The following JAKMIP3 variants were observed in gnomAD, a reference collection of about 807,000 sequenced individuals.
The protein encoded by JAKMIP3 is Janus kinase and microtubule interacting protein 3.
In JAKMIP3, 58 loss-of-function variants were observed where a neutral mutation model predicts 118.5. The ratio of observed to expected loss-of-function variants is 0.49; its 90% CI spans 0.40 to 0.61. JAKMIP3 has a LOEUF of 0.61. Ranked by LOEUF, JAKMIP3 falls within the 20% of genes least tolerant of loss-of-function variation. The pLI is 0.00. For missense variants in JAKMIP3, 950 were observed against 1,109.0 expected (o/e 0.86, Z 2.04); for synonymous variants, 486 against 451.2 (o/e 1.08, Z -0.98).
At chr10:132,134,398 C>T (rs2051298537) in intron 4 of JAKMIP3, among the ~76,000 whole-genome samples, 1 of 152,184 alleles carries the variant, frequency 6.6e-6, no homozygotes, top group African/African-American at 2.4e-5. Flanking sequence ...GAGATCCAGC[C>T]CCTCCTGCTG....
In JAKMIP3 at chr10:132,164,704, A is replaced by G; in HGVS notation, c.2459A>G (p.Gln820Arg). 1 of 1,602,902 alleles carries G rather than the reference A, an allele frequency of 6.2e-7. No individual in the cohort carries two copies. The highest frequency in any genetic ancestry group is 8.5e-7 in the Non-Finnish European group (1 of 1,169,954). ...GAGTTAGAAGAAAGAATAGAAGCTC[A>G]GAAGAGACAAATAAAGGAACTGGAG... ...IKELEERIEA[Q>R]KRQIKELEEK... The change falls in exon 21 of 24, where the codon CAG (glutamine) becomes CGG (arginine). Residue 820 changes from glutamine to arginine, a missense_variant. By Grantham distance (43) the Gln-to-Arg change is conservative. Coordinates refer to ENST00000684848, the MANE Select transcript of JAKMIP3 (RefSeq NM_001323087.2).
intron 1 of JAKMIP3, among the ~76,000 whole-genome samples, chr10:132,089,726 C>T (rs2042874204): frequency 6.6e-6 from 1 of 152,088 alleles, no homozygotes; most frequent in South Asian, 2.1e-4. Flanking sequence ...ATTGCCCTGG[C>T]CAGAACTTCC....
chr10:132,124,111 GGAA>G (rs2049055674), intron 3 of JAKMIP3, among the ~76,000 whole-genome samples: 1 of 152,222 alleles, frequency 6.6e-6, no homozygotes, highest in Non-Finnish European at 1.5e-5. Context: ...GCTCAAATCC[GGAA>G]GAAATGTGTG....
chr10:132,103,574 G>A (rs749714866), intron 1 of JAKMIP3, among the ~76,000 whole-genome samples: 2 of 151,984 alleles, frequency 1.3e-5, no homozygotes, highest in African/African-American at 4.8e-5. Context: ...GAAGGAAAGT[G>A]TGAGGATCTC....
At chr10:132,165,903 C>T (rs1349226038) in intron 21 of JAKMIP3, among the ~76,000 whole-genome samples, 4 of 152,242 alleles carry the variant, frequency 2.6e-5, no homozygotes, top group African/African-American at 7.2e-5. Flanking sequence ...CAGGGGCACC[C>T]GGCCTTGCCG....
intron 22 of JAKMIP3, 73 bp downstream of exon 22, chr10:132,167,128 G>A (rs922768661): frequency 6.6e-6 from 7 of 1,056,948 alleles, no homozygotes; most frequent in African/African-American, 1.6e-5. Context: ...CCCCTGCCCT[G>A]CCAGGGAGTT....
At chr10:132,103,183 T>C (rs12218716) in intron 1 of JAKMIP3, among the ~76,000 whole-genome samples, 26,618 of 151,624 alleles carry the variant, frequency 0.18, 2,413 homozygotes, top group East Asian at 0.2. Flanking sequence ...AAGGTGCTTT[T>C]TTCCCTCTGT....
rs1437663922 is a variant in JAKMIP3, at chr10:132,046,620, C to T, written c.-138+9882C>T. 3.3e-5 allele frequency among the ~76,000 whole-genome samples: 5 copies of T among 152,332 alleles called. No homozygotes were observed. In the East Asian group the frequency reaches 7.7e-4, roughly 23 times the overall value. ...ATCCGCCACGGCTTATTTATCCATT[C>T]TCCTAGTTTAGGCTCTTTTAAATCA... On this transcript the variant is annotated intron_variant, in intron 1 of 23. Coordinates refer to the JAKMIP3 transcript ENST00000657785.
intron 14 of JAKMIP3, 72 bp downstream of exon 14, chr10:132,148,122 A>C: frequency 1.1e-6 from 1 of 910,684 alleles, no homozygotes; most frequent in Non-Finnish European, 1.7e-6. Context: ...TTCCTAACCC[A>C]CACAAAGCCC....
At position 132,117,323 on chromosome 10, in the gene JAKMIP3, C is replaced by T. The variant is rs1390114238; in HGVS notation, c.382C>T (p.Pro128Ser). ...ALLSALRDGG[P>S]EKVKTVLLSE... The stretch of plus-strand genomic sequence containing the variant: ...GCTCAGTGCCCTGCGTGATGGCGGC[C>T]CCGAAAAGGTCAAGACCGTGCTGCT... The change falls in exon 3 of 24, where the codon CCC becomes TCC. Residue 128 changes from proline to serine, a missense_variant. Pro to Ser is a moderately conservative substitution (Grantham distance 74). Transcript: ENST00000684848. This position sits in a 1 kb window ranked among gnomAD's most constrained non-coding sequence, Gnocchi z 8.6. 1.2e-6 allele frequency: 2 copies of T among 1,613,814 alleles called. No homozygotes were observed. The highest frequency in any genetic ancestry group is 1.3e-5 in the African/African-American group (1 of 74,904).
At chr10:132,105,438 G>A (rs535316346) in intron 2 of JAKMIP3, among the ~76,000 whole-genome samples, 1 of 152,192 alleles carries the variant, frequency 6.6e-6, no homozygotes, top group Non-Finnish European at 1.5e-5. Flanking sequence ...AAGCCCGGGG[G>A]ATGGGGAGGC....
intron 3 of JAKMIP3, among the ~76,000 whole-genome samples, chr10:132,120,951 G>A (rs1258795987): frequency 1.3e-5 from 2 of 152,230 alleles, no homozygotes; most frequent in Admixed American, 6.5e-5. Flanking sequence ...CGGGGGCAGC[G>A]GCACAGCGTG....
intron 1 of JAKMIP3, among the ~76,000 whole-genome samples, chr10:132,092,584 C>T (rs2043236872): frequency 6.6e-6 from 1 of 152,232 alleles, no homozygotes; most frequent in Non-Finnish European, 1.5e-5. Context: ...GTGCATTTGT[C>T]ACGTAGTTCT....
intron 1 of JAKMIP3, among the ~76,000 whole-genome samples, chr10:132,055,799 T>C (rs1185977720): frequency 6.6e-6 from 1 of 152,206 alleles, no homozygotes; most frequent in Admixed American, 6.5e-5. Context: ...TGTCCCACTG[T>C]GCCATCAGGC....
In JAKMIP3 at chr10:132,049,644, C is replaced by T. The variant is rs892735166; in HGVS notation, c.-138+12906C>T. On this transcript the variant is annotated intron_variant, in intron 1 of 23. Coordinates refer to the JAKMIP3 transcript ENST00000657785. The surrounding 1 kb of genome is among the most constrained non-coding windows in gnomAD (Gnocchi z 4.3). ...GTTTGGATGTACAGGTTTCTTCTGC[C>T]TTGTGTTTTTTCTTTTTTAAAAGTG... 4.6e-5 allele frequency among the ~76,000 whole-genome samples: 7 copies of T among 151,926 alleles called. No individual in the cohort carries two copies. The highest frequency in any genetic ancestry group is 1.7e-4 in the African/African-American group (7 of 41,382).
chr10:132,093,209 G>T (rs1329875693), intron 1 of JAKMIP3, among the ~76,000 whole-genome samples: 1 of 152,154 alleles, frequency 6.6e-6, no homozygotes, highest in East Asian at 1.9e-4. Context: ...TAGGCTACTC[G>T]GGGGTCAGGG....
chr10:132,065,913 C>G (rs1261267292), upstream of JAKMIP3, among the ~76,000 whole-genome samples: 8 of 152,150 alleles, frequency 5.3e-5, no homozygotes, highest in Admixed American at 3.3e-4. The surrounding 1 kb of genome is among the most constrained non-coding windows in gnomAD (Gnocchi z 5.6). Flanking sequence ...TAAATTCCAT[C>G]TGAAAAATAA....
At chr10:132,092,261 T>G (rs1463773192) in intron 1 of JAKMIP3, among the ~76,000 whole-genome samples, 12 of 151,606 alleles carry the variant, frequency 7.9e-5, no homozygotes, top group Non-Finnish European at 1.6e-4. Flanking sequence ...TTGCTCTTCT[T>G]GAGGAGTATC....
At position 132,168,375 on chromosome 10, in the gene JAKMIP3, C is replaced by T. The variant is rs1298693961; in HGVS notation, c.*445C>T. The T allele has an allele frequency of 7.8e-7, 1 of 1,289,570 alleles. No individual in the cohort carries two copies. Among genetic ancestry groups the T allele is most frequent in the East Asian group, 5.6e-5 (1 of 18,016 alleles). 79.9% of individuals were successfully genotyped at this position (1,289,570 alleles called of 1,614,324 possible). On this transcript the variant is annotated 3_prime_UTR_variant, in exon 23 of 24. Transcript: ENST00000684848. ...GTGTCTGGAGGAAGATTTTCAGAAA[C>T]AACAGAGGCTTGGCCTGATGACAAG...
Sources: allele counts gnomAD v4.1 joint callset (sites outside exome capture counted in the v4.1 genomes callset), GRCh38; gene constraint gnomAD v4.1.1; non-coding constraint Gnocchi (gnomAD v3.1); transcripts MANE v1.5; gene names NCBI Gene and HGNC (gene_info 2026-07-23, HGNC 2026-07-21).